FAM83H: variants seen among roughly 807,000 people sequenced by gnomAD.
The protein encoded by FAM83H is scaffolding CK1 anchoring protein H, also known as protein FAM83H.
Under a neutral mutation model 30.2 loss-of-function variants are expected in FAM83H, and 24 were observed. The observed-to-expected ratio is 0.79, with a 90% CI of 0.57 to 1.12. FAM83H has a LOEUF of 1.12. Ranked by LOEUF, FAM83H falls within the 50% of genes most tolerant of loss-of-function variation. The probability of loss-of-function intolerance (pLI) is 0.00; values close to 1 mark genes in which losing one functional copy is unlikely to be tolerated. For missense variants in FAM83H, 2,038 were observed against 1,773.9 expected (o/e 1.15, Z -2.67); for synonymous variants, 1,013 against 821.7 (o/e 1.23, Z -3.98).
rs781977824 is a variant in FAM83H at position 143,727,378 on chromosome 8, C to A, written c.2083G>T (p.Gly695Cys). The change falls in exon 5 of 5, where the codon GGC becomes TGC. Residue 695 changes from glycine (G) to cysteine (C), a missense_variant. By Grantham distance (159) the Gly-to-Cys change is radical. Coordinates refer to ENST00000388913, the MANE Select transcript of FAM83H (RefSeq NM_198488.5). ...SLIFSTSQAEGAAGAAAATEK... is the reference protein window; with the variant it reads ...SLIFSTSQAECAAGAAAATEK... ...GTGGCCGCCGCAGCCCCGGCCGCGC[C>A]CTCGGCCTGTGACGTGCTGAAGATG... 7.0e-6 allele frequency: 11 copies of A among 1,572,278 alleles called. No homozygotes were observed. The highest frequency in any genetic ancestry group is 8.6e-6 in the Non-Finnish European group (10 of 1,167,558).
At position 143,726,292 on chromosome 8, in the gene FAM83H, C is replaced by A. The variant is rs1254959664; in HGVS notation, c.3169G>T (p.Val1057Phe). 4.3e-6 allele frequency: 7 copies of A among 1,612,068 alleles called. No individual in the cohort carries two copies. In the African/African-American group the frequency reaches 8.0e-5, roughly 18 times the overall value. The change falls in exon 5 of 5, where the codon GTC (valine) becomes TTC (phenylalanine). Residue 1057 changes from valine to phenylalanine, a missense_variant. Transcript: ENST00000388913. ...GTCGGGCCGGGGCTCGGGGCAGGGA[C>A]CGCACGGTGCTTCTGGCCGTGGGCA... ...ISAHGQKHRA[V>F]PAPSPGPTHN...
Position 143,724,961 on chromosome 8 carries a change from CTTCCTTGCCA to C in FAM83H, c.*950_*959del, listed in dbSNP as rs1392169364. The C allele has an allele frequency of 2.0e-5, 3 of 152,316 alleles. No homozygotes were observed. In the East Asian group the frequency reaches 5.8e-4, roughly 29 times the overall value. 9.4% of individuals were successfully genotyped at this position (152,316 alleles called of 1,614,324 possible). On this transcript the variant is annotated 3_prime_UTR_variant, in exon 5 of 5. Coordinates refer to ENST00000388913, the MANE Select transcript of FAM83H (RefSeq NM_198488.5). The stretch of plus-strand genomic sequence containing the variant: ...GTCCCCAGAGGCCTGCCCTGTCCAG[CTTCCTTGCCA>C]CTCCAAGGGGCATCTTCTGGTCCAG...
In FAM83H at chr8:143,725,962, A is replaced by G. The variant is rs919159973; in HGVS notation, c.3499T>C (p.Phe1167Leu). The change falls in exon 5 of 5, where the codon TTC becomes CTC. Residue 1167 changes from phenylalanine (F) to leucine (L), a missense_variant. Physicochemically the swap from Phe to Leu is conservative, Grantham distance 22 (BLOSUM62 0). Transcript: ENST00000388913. ...EGTRDSKVGK[F>L]VPKILGTFKS... ...AACGTGCCCAGGATCTTGGGCACGA[A>G]CTTGCCCACCTTGCTGTCCCTGGTG... is the stretch of plus-strand genomic sequence containing the variant. 1 of 1,612,958 alleles carries G rather than the reference A, an allele frequency of 6.2e-7. No individual in the cohort carries two copies.
Position 143,728,434 on chromosome 8 carries a change from A to G in FAM83H, c.1027T>C (p.Phe343Leu), listed in dbSNP as rs782240787. 10 of 1,549,290 alleles carry G rather than the reference A, an allele frequency of 6.5e-6. No individual in the cohort carries two copies. In the South Asian group the frequency reaches 1.2e-4, roughly 18 times the overall value. The change falls in exon 5 of 5, where the codon TTC becomes CTC. Residue 343 changes from phenylalanine to leucine, a missense_variant. Transcript: ENST00000388913. ...AGGAAGTGGCGGTCCGGGTCGAGGA[A>G]GGAGGGGAAGCCCAGGCCCTCTTCC... ...PREEGLGFPS[F>L]LDPDRHFLSA...
chr8:143,732,460 C>T (rs1818558599), intron 1 of FAM83H: 1 of 985,256 alleles, frequency 1.0e-6, no homozygotes, highest in Non-Finnish European at 1.2e-6. Context: ...GCAGGGGGAA[C>T]AACCCTGCTG....
Position 143,726,446 on chromosome 8 carries a change from G to C in FAM83H, c.3015C>G (p.Gly1005=), listed in dbSNP as rs1554621794. ...TGGCAGCCTCCGTGCTGTCACCCTG[G>C]CCCAGTGACAGACGCCGCGGGCTCT... is the stretch of plus-strand genomic sequence containing the variant. ...QPESPRRLSL[G]QGDSTEAATE... is the part of the protein sequence containing the mutation. The change falls in exon 5 of 5, where the codon GGC becomes GGG. Residue 1005 remains glycine (G), a synonymous_variant. Transcript: ENST00000388913. The C allele has an allele frequency of 1.2e-6, 2 of 1,602,926 alleles. No individual in the cohort carries two copies.
At chr8:143,729,636 G>T (rs1554623863) in intron 2 of FAM83H, among the ~76,000 whole-genome samples, 1 of 152,228 alleles carries the variant, frequency 6.6e-6, no homozygotes, top group Non-Finnish European at 1.5e-5. Context: ...CGGCTGAGCT[G>T]CCCCCATTCC....
rs552184180 is a variant in FAM83H, at chr8:143,728,362, G to A, written c.1099C>T (p.Leu367=). 9.5e-5 allele frequency: 147 copies of A among 1,542,648 alleles called. 1 individual carries two copies. In the African/African-American group the frequency reaches 2.0e-3, roughly 21 times the overall value. The part of the protein sequence containing the change: ...EEPPRMPGGA[L]EPHAGLRPLS... ...GGCCGCAGCCCCGCGTGCGGTTCCA[G>A]CGCGCCCCCCGGCATCCGCGGCGGC... is the stretch of plus-strand genomic sequence containing the variant. Residue 367 remains leucine, a synonymous_variant, in exon 5 of 5, where the codon CTG becomes TTG. Transcript: ENST00000388913.
rs1428756902 is a variant in FAM83H at position 143,730,211 on chromosome 8, G to C, written c.372C>G (p.Thr124=). 2 of 1,612,732 alleles carry C rather than the reference G, an allele frequency of 1.2e-6. No homozygotes were observed. Among genetic ancestry groups the C allele is most frequent in the Non-Finnish European group, 8.5e-7 (1 of 1,179,366 alleles). The change falls in exon 2 of 5, where the codon ACC becomes ACG. Residue 124 remains threonine (T), a synonymous_variant. Coordinates refer to ENST00000388913, the MANE Select transcript of FAM83H (RefSeq NM_198488.5). The stretch of plus-strand genomic sequence containing the variant: ...TGTCGGGGGGCGGTGGCTGCACCAA[G>C]GTGGTCACCTCGGTGCCCTGGAAGC... ...TFGFQGTEVT[T]LVQPPPPDSP...
intron 1 of FAM83H, 99 bp from the exon 2 acceptor site, chr8:143,730,696 G>T: frequency 1.1e-6 from 1 of 919,620 alleles, no homozygotes; most frequent in Non-Finnish European, 1.6e-6. Context: ...CAGTGACTTG[G>T]GTAGGCTGGA....
rs552401017 is a variant in FAM83H, at chr8:143,731,460, C to T, written c.-15-863G>A. On this transcript the variant is annotated intron_variant, in intron 1 of 4. Coordinates refer to ENST00000388913, the MANE Select transcript of FAM83H (RefSeq NM_198488.5). ...TTAAGCCCCACACATAGTCCCGGGC[C>T]ACACCTCCTCCCCATCCTCAGGGTT... 7 of 985,436 alleles carry T rather than the reference C, an allele frequency of 7.1e-6. No individual in the cohort carries two copies. The African/African-American group carries it at 1.2e-4, about 17-fold the overall frequency. The allele number at this position is 985,436 out of a possible 1,614,324, so 61.0% of individuals were successfully genotyped here.
chr8:143,728,942 G>C (rs782578122), intron 4 of FAM83H, 25 bp downstream of exon 4: 32 of 1,613,044 alleles, frequency 2.0e-5, no homozygotes, highest in Non-Finnish European at 2.5e-5. Flanking sequence ...CCAGAGAAGG[G>C]GGTGAGGGAG....
chr8:143,732,547 T>A, intron 1 of FAM83H: 1 of 985,354 alleles, frequency 1.0e-6, no homozygotes, highest in Non-Finnish European at 1.2e-6. Flanking sequence ...GATTTCAGTG[T>A]CCAGGCTCCA....
intron 1 of FAM83H, chr8:143,731,775 T>TCGC: frequency 1.0e-6 from 1 of 985,412 alleles, no homozygotes; most frequent in East Asian, 1.1e-4. Context: ...GGTCCTGGGC[T>TCGC]CGCCACCACC....
chr8:143,731,366 A>C, intron 1 of FAM83H: 1 of 985,020 alleles, frequency 1.0e-6, no homozygotes, highest in Non-Finnish European at 1.2e-6. Flanking sequence ...GGTCCACATG[A>C]CACCACGCCT....
chr8:143,728,450 G>T lies in FAM83H; in HGVS notation c.1011C>A (p.Gly337=). 1 of 1,551,368 alleles carries T rather than the reference G, an allele frequency of 6.4e-7. No individual in the cohort carries two copies. Among genetic ancestry groups the T allele is most frequent in the African/African-American group, 1.4e-5 (1 of 73,330 alleles). ...HLLFPPPREE[G]LGFPSFLDPD... is the part of the protein sequence containing the mutation. ...GGTCGAGGAAGGAGGGGAAGCCCAG[G>T]CCCTCTTCCCGGGGTGGCGGGAACA... is the stretch of plus-strand genomic sequence containing the variant. Residue 337 remains glycine (G), a synonymous_variant, in exon 5 of 5, where the codon GGC becomes GGA. Transcript: ENST00000388913.
chr8:143,727,225 G>C lies in FAM83H; in HGVS notation c.2236C>G (p.Arg746Gly). Reference protein sequence around the residue: ...ELLEKYKGPARDPGGGAGAIT... With the variant: ...ELLEKYKGPAGDPGGGAGAIT... ...GCGCCCGCGCCGCCGCCGGGATCAC[G>C]GGCTGGGCCCTTGTACTTCTCCAGC... The change falls in exon 5 of 5, where the codon CGT (arginine) becomes GGT (glycine). Residue 746 changes from arginine to glycine, a missense_variant. Physicochemically the swap from Arg to Gly is moderately radical, Grantham distance 125 (BLOSUM62 -2). Coordinates refer to ENST00000388913, the MANE Select transcript of FAM83H (RefSeq NM_198488.5). 2 of 1,533,918 alleles carry C rather than the reference G, an allele frequency of 1.3e-6. No individual in the cohort carries two copies. Among genetic ancestry groups the C allele is most frequent in the Non-Finnish European group, 1.7e-6 (2 of 1,145,644 alleles).
rs782336864 is a variant in FAM83H, at chr8:143,727,553, G to A, written c.1908C>T (p.Phe636=). The A allele has an allele frequency of 5.0e-6, 8 of 1,586,902 alleles. No individual in the cohort carries two copies. The highest frequency in any genetic ancestry group is 1.7e-5 in the Admixed American group (1 of 58,910). Residue 636 remains phenylalanine, a synonymous_variant, in exon 5 of 5, where the codon TTC becomes TTT. Coordinates refer to ENST00000388913, the MANE Select transcript of FAM83H (RefSeq NM_198488.5). ...LPSAFRVPAA[F]PTKVPVPGPG... ...GGCCTGGCACCGGGACCTTGGTGGG[G>A]AAGGCTGCTGGGACGCGGAAGGCCG...
Position 143,727,245 on chromosome 8 carries a change from TC to T in FAM83H, c.2215del (p.Glu739ArgfsTer235). On this transcript the variant is annotated frameshift_variant, in exon 5 of 5. Coordinates refer to ENST00000388913, the MANE Select transcript of FAM83H (RefSeq NM_198488.5). LOFTEE classifies it low-confidence loss of function (END_TRUNC). Reference sequence around the variant, plus strand: ...ATCACGGGCTGGGCCCTTGTACTTCTCCAGCAGCTCCGCCACCTTGGTGGAA... The same window carrying T: ...ATCACGGGCTGGGCCCTTGTACTTCTCAGCAGCTCCGCCACCTTGGTGGAA... The part of the protein sequence containing the change: ...AASTKVAELL[E>X]KYKGPARDPG... The T allele has an allele frequency of 1.3e-6, 2 of 1,534,778 alleles. No individual in the cohort carries two copies. The highest frequency in any genetic ancestry group is 1.7e-6 in the Non-Finnish European group (2 of 1,146,112).
Sources: allele counts gnomAD v4.1 joint callset (sites outside exome capture counted in the v4.1 genomes callset), GRCh38; gene constraint gnomAD v4.1.1; transcripts MANE v1.5; gene names NCBI Gene and HGNC (gene_info 2026-07-23, HGNC 2026-07-21).